Variants in RBFOX1 observed in about 807,000 individuals in gnomAD.
RBFOX1 encodes the protein RNA binding protein fox-1 homolog 1.
A neutral mutation model predicts 57.7 loss-of-function variants in RBFOX1; 8 were observed. The observed-to-expected ratio is 0.14, with a 90% CI of 0.08 to 0.25. RBFOX1 has a LOEUF of 0.25. Among genes scored for constraint, RBFOX1 ranks in the 10% least tolerant of loss-of-function variants. RBFOX1 has a pLI of 1.00. For missense variants in RBFOX1, 611 were observed against 548.5 expected (o/e 1.11, Z -1.14); for synonymous variants, 326 against 222.4 (o/e 1.47, Z -4.15).
chr16:5,856,171 C>CTA, intron 3 of RBFOX1, among the ~76,000 whole-genome samples: 1 of 58,146 alleles, frequency 1.7e-5, no homozygotes, highest in African/African-American at 6.4e-5. Flanking sequence ...CTCTCTCTCT[C>CTA]TCTCTCTCTC....
chr16:7,682,624 A>G (rs1234469617), intron 14 of RBFOX1, among the ~76,000 whole-genome samples: 1 of 151,244 alleles, frequency 6.6e-6, no homozygotes, highest in Non-Finnish European at 1.5e-5. Context: ...TAAAAAAAAG[A>G]TGATCTGTCA....
chr16:7,221,033 A>G (rs927766181), intron 4 of RBFOX1, among the ~76,000 whole-genome samples: 1 of 152,180 alleles, frequency 6.6e-6, no homozygotes, highest in African/African-American at 2.4e-5. Flanking sequence ...TATCAGATGT[A>G]CTGTCTAACT....
intron 14 of RBFOX1, among the ~76,000 whole-genome samples, chr16:7,702,574 A>G (rs1476066242): frequency 6.6e-6 from 1 of 152,208 alleles, no homozygotes; most frequent in Non-Finnish European, 1.5e-5. Context: ...TGAGAGAAGG[A>G]AGTAAAGCAG....
intron 3 of RBFOX1, among the ~76,000 whole-genome samples, chr16:6,674,273 G>T (rs1024763957): frequency 3.9e-5 from 6 of 152,078 alleles, no homozygotes; most frequent in Non-Finnish European, 7.4e-5. Context: ...ACGTCATCCT[G>T]GATTGGAGCA....
intron 3 of RBFOX1, among the ~76,000 whole-genome samples, chr16:6,771,648 C>T (rs1363095760): frequency 6.6e-6 from 1 of 152,170 alleles, no homozygotes; most frequent in Non-Finnish European, 1.5e-5. Context: ...CCTCAGGAGA[C>T]ATTTGGCAAT....
intron 3 of RBFOX1, among the ~76,000 whole-genome samples, chr16:6,963,007 G>A (rs933361082): frequency 1.3e-5 from 2 of 152,168 alleles, no homozygotes; most frequent in Non-Finnish European, 2.9e-5. Flanking sequence ...TCCCAGCCAA[G>A]AATCAGCTCT....
intron 2 of RBFOX1, among the ~76,000 whole-genome samples, chr16:5,484,923 G>T (rs544471636): frequency 3.0e-4 from 46 of 151,778 alleles, no homozygotes; most frequent in African/African-American, 9.4e-4. Flanking sequence ...GCAGGGCATT[G>T]TGGCACACAC....
intron 2 of RBFOX1, among the ~76,000 whole-genome samples, chr16:6,487,227 T>C (rs1185096698): frequency 6.6e-6 from 1 of 151,684 alleles, no homozygotes; most frequent in African/African-American, 2.4e-5. Flanking sequence ...CAACTCGTTT[T>C]TGATTCAGCA....
chr16:7,320,883 C>T (rs962615345), intron 4 of RBFOX1, among the ~76,000 whole-genome samples: 1 of 152,174 alleles, frequency 6.6e-6, no homozygotes, highest in East Asian at 1.9e-4. Flanking sequence ...AATTGAGGTT[C>T]AGAAAGTTTA....
chr16:7,409,446 C>T (rs958184345), intron 4 of RBFOX1, among the ~76,000 whole-genome samples: 1 of 152,186 alleles, frequency 6.6e-6, no homozygotes, highest in African/African-American at 2.4e-5. Flanking sequence ...CTTTCCCCGT[C>T]CCCATTGTCA....
intron 2 of RBFOX1, among the ~76,000 whole-genome samples, chr16:5,527,757 C>T (rs905313523): frequency 6.6e-6 from 1 of 152,102 alleles, no homozygotes; most frequent in Non-Finnish European, 1.5e-5. Context: ...ATCCTTGTAC[C>T]TTGCATCTAA....
At position 7,607,269 on chromosome 16, in the gene RBFOX1, G is replaced by T. The variant is rs765283381; in HGVS notation, c.623-16G>T. On this transcript the variant is annotated splice_polypyrimidine_tract_variant and intron_variant, in intron 9 of 15. Transcript: ENST00000550418. Reference sequence around the variant, plus strand: ...AATCAAATGTGATAATAATGTTTTTGTGTATTTGTTTTAAGGCTGGAAATT... The same window carrying T: ...AATCAAATGTGATAATAATGTTTTTTTGTATTTGTTTTAAGGCTGGAAATT... The T allele has an allele frequency of 5.6e-6, 9 of 1,602,546 alleles. No homozygotes were observed. The Middle Eastern group carries it at 6.6e-4, about 117-fold the overall frequency.
chr16:7,481,257 C>T (rs1567410037), intron 4 of RBFOX1, among the ~76,000 whole-genome samples: 1 of 152,112 alleles, frequency 6.6e-6, no homozygotes, highest in Admixed American at 6.5e-5. Context: ...ATAGAGCCCC[C>T]GTCTTCAGGG....
At chr16:7,261,915 C>G (rs2094933896) in intron 4 of RBFOX1, among the ~76,000 whole-genome samples, 3 of 152,134 alleles carry the variant, frequency 2.0e-5, no homozygotes, top group South Asian at 2.1e-4. Context: ...CCAAGTGATT[C>G]TAATTTAGAG....
At chr16:6,125,640 C>G (rs9923155) in intron 1 of RBFOX1, among the ~76,000 whole-genome samples, 187 of 152,190 alleles carry the variant, frequency 1.2e-3, no homozygotes, top group African/African-American at 4.2e-3. Flanking sequence ...GTTCTGAATC[C>G]AGGGTGAAAA....
At chr16:7,430,979 G>A (rs188289392) in intron 4 of RBFOX1, among the ~76,000 whole-genome samples, 1 of 152,292 alleles carries the variant, frequency 6.6e-6, no homozygotes, top group African/African-American at 2.4e-5. Context: ...ACGTGTACTT[G>A]AATCTATGTT....
At chr16:6,751,447 G>C (rs1176234336) in intron 3 of RBFOX1, among the ~76,000 whole-genome samples, 1 of 152,164 alleles carries the variant, frequency 6.6e-6, no homozygotes, top group Non-Finnish European at 1.5e-5. Flanking sequence ...TTTGTACCCT[G>C]ATGACTGAAC....
At chr16:5,945,787 G>C (rs1460714599) in intron 4 of RBFOX1, among the ~76,000 whole-genome samples, 1 of 152,138 alleles carries the variant, frequency 6.6e-6, no homozygotes, top group Non-Finnish European at 1.5e-5. Context: ...ACCCAGTGAG[G>C]CTCTAGAATT....
intron 4 of RBFOX1, among the ~76,000 whole-genome samples, chr16:7,462,005 A>G (rs1181498454): frequency 6.6e-6 from 1 of 152,122 alleles, no homozygotes; most frequent in East Asian, 1.9e-4. Context: ...AAACATGCTT[A>G]TTTTCTCTCC....
Sources: gnomAD v4.1 joint callset for allele counts (sites outside exome capture counted in the v4.1 genomes callset) on GRCh38, gnomAD v4.1.1 for gene constraint, MANE v1.5 for transcripts, NCBI Gene and HGNC (gene_info 2026-07-23, HGNC 2026-07-21) for gene names.